Variants in NBAS observed in about 807,000 individuals in gnomAD.
NBAS encodes the protein NAG/BC035112 fusion.
In NBAS, 219 loss-of-function variants were observed where a neutral mutation model predicts 302.5. The observed-to-expected ratio is 0.72, with a 90% CI of 0.65 to 0.81. The LOEUF is 0.81. Among genes scored for constraint, NBAS ranks in the 30% least tolerant of loss-of-function variants. NBAS has a pLI of 0.00. For missense variants in NBAS, 2,932 were observed against 2,841.6 expected, an observed-to-expected ratio of 1.03 and a Z score of -0.72; for synonymous variants, 1,118 against 1,021.6, an observed-to-expected ratio of 1.09 and a Z score of -1.80.
chr2:15,292,809 C>A, intron 40 of NBAS, 43 bp from the exon 41 acceptor site: 13 of 1,565,852 alleles, frequency 8.3e-6, no homozygotes, highest in Non-Finnish European at 1.1e-5. Context: ...CAACATCATA[C>A]AAACACGAGC....
intron 6 of NBAS, among the ~76,000 whole-genome samples, chr2:15,548,056 T>A (rs541928083): frequency 6.6e-6 from 1 of 152,316 alleles, no homozygotes; most frequent in South Asian, 2.1e-4. Context: ...CTATAATATG[T>A]ATAATATAGA....
chr2:15,267,713 A>C (rs1669142312), intron 44 of NBAS, among the ~76,000 whole-genome samples: 1 of 152,176 alleles, frequency 6.6e-6, no homozygotes, highest in Non-Finnish European at 1.5e-5. Context: ...ATTTAATATA[A>C]ATATATAAAC....
chr2:15,117,100 CA>C, the NBAS span, among the ~76,000 whole-genome samples: 245 of 152,258 alleles, frequency 1.6e-3, no homozygotes, highest in African/African-American at 5.5e-3. Context: ...TCAGATCTTA[CA>C]TGGCAAACTG....
chr2:14,859,343 T>C, the NBAS span, among the ~76,000 whole-genome samples: 2 of 151,934 alleles, frequency 1.3e-5, no homozygotes, highest in Non-Finnish European at 2.9e-5. Context: ...ACCTCAAAAA[T>C]TTTTATGGTA....
chr2:15,521,234 G>T (rs1047027016), intron 9 of NBAS, among the ~76,000 whole-genome samples: 7 of 152,132 alleles, frequency 4.6e-5, no homozygotes, highest in Non-Finnish European at 1.0e-4. Flanking sequence ...TGGCACAGAT[G>T]ATCCCATCTT....
rs188740578 is a variant in NBAS at position 15,507,524 on chromosome 2, T to C, written c.886-3311A>G. Among the ~76,000 whole-genome samples, 308 of 152,322 alleles carry C rather than the reference T, an allele frequency of 2.0e-3. 4 individuals are homozygous for C. The highest frequency in any genetic ancestry group is 7.3e-3 in the African/African-American group (302 of 41,570). On this transcript the variant is annotated intron_variant, in intron 10 of 51. Transcript: ENST00000281513. ...AATAAATAATTAACACTGTAGATCA[T>C]CTTACAGTTTATCAAATGCCTTTAC...
At chr2:15,209,754 G>C (rs1666320798) in intron 48 of NBAS, among the ~76,000 whole-genome samples, 1 of 152,036 alleles carries the variant, frequency 6.6e-6, no homozygotes, top group Non-Finnish European at 1.5e-5. Context: ...CAAAATAGCA[G>C]GGTAGTAGTA....
the NBAS span, among the ~76,000 whole-genome samples, chr2:15,108,985 C>T: frequency 6.6e-6 from 1 of 152,024 alleles, no homozygotes; most frequent in African/African-American, 2.4e-5. Context: ...AATAAAGGAA[C>T]CAGTCAAGGT....
intron 48 of NBAS, among the ~76,000 whole-genome samples, chr2:15,212,104 A>C (rs577087569): frequency 2.0e-5 from 3 of 152,318 alleles, no homozygotes; most frequent in African/African-American, 7.2e-5. Context: ...CTAAGCAGAC[A>C]CCAAGTCCAT....
the NBAS span, among the ~76,000 whole-genome samples, chr2:14,888,567 T>G: frequency 6.6e-6 from 1 of 152,128 alleles, no homozygotes; most frequent in Non-Finnish European, 1.5e-5. Context: ...GGGTTTAAGT[T>G]GAAGAAAATA....
In NBAS at chr2:15,292,868, C is replaced by G. The variant is rs567380562; in HGVS notation, c.4798-102G>C. The G allele has an allele frequency of 4.3e-6, 5 of 1,150,706 alleles. No individual in the cohort carries two copies. The African/African-American group carries it at 7.6e-5, about 17-fold the overall frequency. 71.3% of individuals were successfully genotyped at this position (1,150,706 alleles called of 1,614,324 possible). A position where few individuals can be genotyped will look rare whatever the true frequency, so the allele number is the denominator to read the frequency against. ...ACCATGTCTGCAAGGAACTGTTTGGCCCTGTACACTATTGCCATTTCATAA... is the reference window on the plus strand; with the variant it reads ...ACCATGTCTGCAAGGAACTGTTTGGGCCTGTACACTATTGCCATTTCATAA... On this transcript the variant is annotated intron_variant, in intron 40 of 51. Transcript: ENST00000281513.
intron 9 of NBAS, among the ~76,000 whole-genome samples, chr2:15,513,969 A>C (rs1479361734): frequency 6.6e-6 from 1 of 152,186 alleles, no homozygotes; most frequent in Non-Finnish European, 1.5e-5. Context: ...CCTGGGTGAC[A>C]GAATGAGTGA....
intron 32 of NBAS, 35 bp from the exon 33 acceptor site, chr2:15,356,451 C>G (rs1282917240): frequency 1.4e-6 from 2 of 1,399,684 alleles, no homozygotes; most frequent in Non-Finnish European, 1.0e-6. Context: ...ATGATTATGA[C>G]AAGCAACGTC....
chr2:15,053,686 A>G, the NBAS span, among the ~76,000 whole-genome samples: 9 of 152,152 alleles, frequency 5.9e-5, no homozygotes, highest in Non-Finnish European at 1.0e-4. Context: ...GTTATCAAAA[A>G]GAAGCCTAGG....
chr2:15,021,270 AG>A, the NBAS span, among the ~76,000 whole-genome samples: 2 of 147,858 alleles, frequency 1.4e-5, no homozygotes, highest in African/African-American at 2.7e-5. Context: ...TACGGAGATA[AG>A]TAAGACAGTG....
intron 44 of NBAS, among the ~76,000 whole-genome samples, chr2:15,271,766 T>G (rs1054189302): frequency 6.6e-6 from 1 of 152,168 alleles, no homozygotes; most frequent in African/African-American, 2.4e-5. Context: ...CCAAGCAAAT[T>G]GTGTTCTGAC....
intron 9 of NBAS, among the ~76,000 whole-genome samples, chr2:15,518,141 A>C (rs1662491327): frequency 6.6e-6 from 1 of 152,084 alleles, no homozygotes; most frequent in Non-Finnish European, 1.5e-5. Context: ...AAAAAAAAAA[A>C]AAAAACAGTG....
chr2:15,485,083 A>G (rs1197996074), intron 12 of NBAS, among the ~76,000 whole-genome samples: 1 of 152,148 alleles, frequency 6.6e-6, no homozygotes, highest in Non-Finnish European at 1.5e-5. Context: ...CTACATCATG[A>G]GTACTCTAGA....
chr2:14,848,102 A>T, the NBAS span, among the ~76,000 whole-genome samples: 5 of 151,868 alleles, frequency 3.3e-5, no homozygotes. Flanking sequence ...GAACAGCTCC[A>T]GTCTACAGCT....
Sources: allele counts gnomAD v4.1 joint callset (sites outside exome capture counted in the v4.1 genomes callset), GRCh38; gene constraint gnomAD v4.1.1; transcripts MANE v1.5; gene names NCBI Gene and HGNC (gene_info 2026-07-23, HGNC 2026-07-21).